CPB1: variants seen among roughly 807,000 people sequenced by gnomAD.
CPB1 encodes the protein carboxypeptidase B.
A neutral mutation model predicts 51.4 loss-of-function variants in CPB1; 53 were observed. The ratio of observed to expected loss-of-function variants is 1.03; its 90% confidence interval spans 0.83 to 1.30. The LOEUF (loss-of-function observed/expected upper bound fraction) is 1.30. Ranked by LOEUF, CPB1 falls within the 50% of genes most tolerant of loss-of-function variation. The pLI is 0.00. For synonymous variants in CPB1, 189 were observed against 186.9 expected, an observed-to-expected ratio of 1.01 and a Z score of -0.09; for missense variants, 494 against 516.2, an observed-to-expected ratio of 0.96 and a Z score of 0.42.
chr3:148,842,329 T>C (rs1233360372), intron 6 of CPB1, among the ~76,000 whole-genome samples: 3 of 152,220 alleles, frequency 2.0e-5, no homozygotes, highest in Non-Finnish European at 4.4e-5. Context: ...TAAAAGCTAA[T>C]GGTTGTGGTT....
intron 9 of CPB1, chr3:148,856,347 C>T (rs918316931): frequency 6.6e-6 from 1 of 152,136 alleles, no homozygotes; most frequent in African/African-American, 2.4e-5. Context: ...AATTGGAATC[C>T]TTGAAGTCTT....
At chr3:148,850,130 C>T (rs927709918) in intron 9 of CPB1, among the ~76,000 whole-genome samples, 23 of 152,210 alleles carry the variant, frequency 1.5e-4, no homozygotes, top group African/African-American at 5.5e-4. Context: ...GATATATATT[C>T]ATTAACGAGG....
chr3:148,859,809 T>C lies in CPB1; in HGVS notation c.1067-6T>C. Reference sequence around the variant, plus strand: ...GTTTTTTTTCACTGCTGTTTGCACATTTCAGATCCTGCTGCTGGGGGCTCT... The same window carrying C: ...GTTTTTTTTCACTGCTGTTTGCACACTTCAGATCCTGCTGCTGGGGGCTCT... On this transcript the variant is annotated splice_region_variant and splice_polypyrimidine_tract_variant and intron_variant, in intron 10 of 10. Transcript: ENST00000282957. 6.2e-7 allele frequency: 1 copy of C among 1,611,484 alleles called. No homozygotes were observed. Among genetic ancestry groups the C allele is most frequent in the Non-Finnish European group, 8.5e-7 (1 of 1,178,594 alleles).
intron 3 of CPB1, among the ~76,000 whole-genome samples, chr3:148,840,188 T>G (rs1331602952): frequency 6.6e-6 from 1 of 152,190 alleles, no homozygotes. Context: ...AGACAAGATA[T>G]TTTTCTCAGA....
At chr3:148,833,240 T>C (rs1712793206) in intron 2 of CPB1, among the ~76,000 whole-genome samples, 1 of 152,162 alleles carries the variant, frequency 6.6e-6, no homozygotes, top group Non-Finnish European at 1.5e-5. Flanking sequence ...TTTCAATCCC[T>C]TTGTGACAAC....
At chr3:148,859,389 C>T (rs1376417463) in intron 10 of CPB1, among the ~76,000 whole-genome samples, 1 of 152,212 alleles carries the variant, frequency 6.6e-6, no homozygotes, top group Non-Finnish European at 1.5e-5. Flanking sequence ...AAAATGAAGG[C>T]ATAGCCCTGC....
chr3:148,858,422 A>C (rs567535424), intron 10 of CPB1, among the ~76,000 whole-genome samples: 27 of 152,120 alleles, frequency 1.8e-4, no homozygotes, highest in African/African-American at 6.0e-4. Flanking sequence ...AATACAAAAA[A>C]TTAGCCAGGC....
chr3:148,828,052 T>C lies in CPB1; in HGVS notation c.122T>C (p.Ile41Thr). ...GAAGATGAAAATCACATTAACATAA[T>C]CCGCGAGTTGGCCAGCACGACCCAG... ...NVEDENHINIIRELASTTQID... is the reference protein window; with the variant it reads ...NVEDENHINITRELASTTQID... The change falls in exon 2 of 11, where the codon ATC (isoleucine) becomes ACC (threonine). Residue 41 changes from isoleucine (I) to threonine (T), a missense_variant. Ile to Thr is a moderately conservative substitution (Grantham distance 89). Coordinates refer to ENST00000282957, the MANE Select transcript of CPB1 (RefSeq NM_001871.3). 6.2e-7 allele frequency: 1 copy of C among 1,614,028 alleles called. No individual in the cohort carries two copies.
At chr3:148,834,707 T>G (rs1239019025) in intron 3 of CPB1, 85 bp downstream of exon 3, 4 of 1,366,166 alleles carry the variant, frequency 2.9e-6, no homozygotes, top group Non-Finnish European at 4.0e-6. Flanking sequence ...AAGGAAGAAA[T>G]GAGACCAAGA....
chr3:148,857,510 G>A lies in CPB1; in HGVS notation c.1035G>A (p.Lys345=). The change falls in exon 10 of 11, where the codon AAG becomes AAA. Residue 345 remains lysine (K), a synonymous_variant. Transcript: ENST00000282957. The stretch of plus-strand genomic sequence containing the variant: ...AACTTGCCTCACTGCACGGCACCAA[G>A]TACACATATGGCCCGGGAGCTACAA... ...VKELASLHGT[K]YTYGPGATTI... 6.2e-7 allele frequency: 1 copy of A among 1,613,958 alleles called. No homozygotes were observed. The highest frequency in any genetic ancestry group is 1.1e-5 in the South Asian group (1 of 91,070).
Position 148,845,642 on chromosome 3 carries a change from G to T in CPB1, c.981+16G>T, listed in dbSNP as rs778837863. 3 of 1,584,864 alleles carry T rather than the reference G, an allele frequency of 1.9e-6. No homozygotes were observed. Among genetic ancestry groups the T allele is most frequent in the Admixed American group, 1.7e-5 (1 of 59,876 alleles). Reference sequence around the variant, plus strand: ...TGCTGAGTTGGTAAGTAGCAAAGTAGTAGGTATGACATTTTACTATTGAGA... The same window carrying T: ...TGCTGAGTTGGTAAGTAGCAAAGTATTAGGTATGACATTTTACTATTGAGA... On this transcript the variant is annotated intron_variant, in intron 9 of 10. Transcript: ENST00000282957.
intron 6 of CPB1, among the ~76,000 whole-genome samples, chr3:148,844,088 T>C (rs956730194): frequency 2.0e-5 from 3 of 152,202 alleles, no homozygotes; most frequent in Non-Finnish European, 2.9e-5. Context: ...ACGTCTTACT[T>C]ACTAGAACTA....
chr3:148,856,755 A>G (rs1326597749), intron 9 of CPB1: 2 of 152,180 alleles, frequency 1.3e-5, no homozygotes, highest in Non-Finnish European at 1.5e-5. Context: ...TTCTTATGAG[A>G]AGGTGATGAT....
chr3:148,841,022 C>A, intron 5 of CPB1, 47 bp downstream of exon 5: 1 of 1,444,322 alleles, frequency 6.9e-7, no homozygotes, highest in Admixed American at 1.7e-5. Context: ...GGCTTTAAAT[C>A]AATGAATTCT....
chr3:148,843,365 A>C (rs1007495489), intron 6 of CPB1, among the ~76,000 whole-genome samples: 1 of 151,946 alleles, frequency 6.6e-6, no homozygotes, highest in Non-Finnish European at 1.5e-5. Context: ...AGTGCTTTAA[A>C]TATATAATAA....
intron 3 of CPB1, among the ~76,000 whole-genome samples, chr3:148,839,973 A>C (rs753317173): frequency 2.0e-5 from 3 of 152,144 alleles, no homozygotes; most frequent in Non-Finnish European, 4.4e-5. Flanking sequence ...GACTGGCCTC[A>C]TAATAGAAAC....
chr3:148,837,104 G>A (rs1229042489), intron 3 of CPB1, among the ~76,000 whole-genome samples: 1 of 152,188 alleles, frequency 6.6e-6, no homozygotes, highest in East Asian at 1.9e-4. Context: ...ATCAGATAGT[G>A]TAAATCTCCA....
At chr3:148,853,333 C>T (rs917001184) in intron 9 of CPB1, among the ~76,000 whole-genome samples, 3 of 152,084 alleles carry the variant, frequency 2.0e-5, no homozygotes, top group Non-Finnish European at 4.4e-5. Flanking sequence ...TGCACAGTCA[C>T]GAAAGGGGAG....
chr3:148,856,140 G>A (rs1413251834), intron 9 of CPB1: 2 of 152,186 alleles, frequency 1.3e-5, no homozygotes, highest in African/African-American at 4.8e-5. Context: ...GCATGTCTTA[G>A]TTTATCAGTT....
Sources: gnomAD v4.1 joint callset for allele counts (sites outside exome capture counted in the v4.1 genomes callset) on GRCh38, gnomAD v4.1.1 for gene constraint, MANE v1.5 for transcripts, NCBI Gene and HGNC (gene_info 2026-07-23, HGNC 2026-07-21) for gene names.